PUDP: variants seen among roughly 807,000 people sequenced by gnomAD.
The protein encoded by PUDP is pseudouridine-5'-phosphatase.
A neutral mutation model predicts 9.4 loss-of-function variants in PUDP; 8 were observed. The observed-to-expected ratio is 0.85, with a 90% CI of 0.50 to 1.53. The LOEUF is 1.53. Ranked by LOEUF, PUDP falls within the 40% of genes most tolerant of loss-of-function variation. PUDP has a pLI of 0.00. For missense variants in PUDP, 188 were observed against 189.7 expected (o/e 0.99, Z 0.05); for synonymous variants, 99 against 80.7 (o/e 1.23, Z -1.22).
chrX:7,066,293 G>C (rs188309135), intron 3 of PUDP, among the ~76,000 whole-genome samples: 2 of 111,848 alleles, frequency 1.8e-5, no homozygotes, highest in East Asian at 5.6e-4. Flanking sequence ...AAGGAACTAC[G>C]AGGCATGGAT....
upstream of PUDP, among the ~76,000 whole-genome samples, chrX:6,724,263 T>C (rs1924712459): frequency 9.0e-6 from 1 of 111,009 alleles, no homozygotes; most frequent in Non-Finnish European, 1.9e-5. Flanking sequence ...TGAGTTACAA[T>C]ATCTCAAACA....
chrX:7,108,848 G>C (rs1931958254), intron 1 of PUDP, among the ~76,000 whole-genome samples: 1 of 111,635 alleles, frequency 9.0e-6, no homozygotes, highest in Admixed American at 9.5e-5. Context: ...CTCTGCGCCT[G>C]GCCACAAGCT....
chrX:6,789,417 G>A (rs1330118697), intron 3 of PUDP, among the ~76,000 whole-genome samples: 1 of 111,681 alleles, frequency 9.0e-6, no homozygotes, highest in African/African-American at 3.3e-5. Flanking sequence ...TGGGTCACTC[G>A]GGACCTTGGG....
At chrX:7,111,270 T>G (rs1602797256) in intron 1 of PUDP, among the ~76,000 whole-genome samples, 1 of 110,826 alleles carries the variant, frequency 9.0e-6, no homozygotes, top group East Asian at 2.8e-4. Context: ...TTTATAGCAG[T>G]GTGAGAACAG....
intron 3 of PUDP, among the ~76,000 whole-genome samples, chrX:6,880,537 T>C (rs1206620904): frequency 8.9e-6 from 1 of 112,196 alleles, no homozygotes; most frequent in African/African-American, 3.2e-5. Context: ...ATAAAATATA[T>C]TTTGACACAA....
chrX:6,796,658 T>C (rs1474378150), intron 3 of PUDP, among the ~76,000 whole-genome samples: 1 of 112,335 alleles, frequency 8.9e-6, no homozygotes, highest in Non-Finnish European at 1.9e-5. Flanking sequence ...TGTGTGTGTA[T>C]ATTTGTATAT....
At chrX:6,713,119 C>T (rs1924553323) in intron 1 of PUDP, among the ~76,000 whole-genome samples, 1 of 112,277 alleles carries the variant, frequency 8.9e-6, no homozygotes. Context: ...TCCTCCTCCT[C>T]TGAGCCTGGA....
At chrX:6,816,855 C>A (rs1413668763) in intron 3 of PUDP, among the ~76,000 whole-genome samples, 2 of 93,564 alleles carry the variant, frequency 2.1e-5, no homozygotes, top group Admixed American at 1.3e-4. Flanking sequence ...TATATACACA[C>A]ATACAGTATA....
chrX:6,991,505 C>T (rs1328674905), intron 1 of PUDP, among the ~76,000 whole-genome samples: 1 of 109,762 alleles, frequency 9.1e-6, no homozygotes, highest in African/African-American at 3.3e-5. Context: ...GAGTGAGACC[C>T]TGTCTCTATA....
intron 1 of PUDP, among the ~76,000 whole-genome samples, chrX:7,026,960 G>A (rs1278909564): frequency 1.8e-5 from 2 of 111,615 alleles, no homozygotes; most frequent in African/African-American, 3.3e-5. Context: ...CTGAGATTTT[G>A]ACACCTAGAT....
At chrX:6,861,417 C>A (rs950023661) in intron 3 of PUDP, among the ~76,000 whole-genome samples, 1 of 111,864 alleles carries the variant, frequency 8.9e-6, no homozygotes, top group Non-Finnish European at 1.9e-5. Flanking sequence ...TCCCCATCAC[C>A]TTTCCCCTAA....
intron 3 of PUDP, among the ~76,000 whole-genome samples, chrX:6,935,132 C>A (rs1928275619): frequency 9.8e-6 from 1 of 101,979 alleles, no homozygotes; most frequent in Non-Finnish European, 2.0e-5. Context: ...ACCAAGCGGA[C>A]CTAATAGACA....
At chrX:6,817,054 C>CA (rs35346108) in intron 3 of PUDP, among the ~76,000 whole-genome samples, 47,679 of 98,218 alleles carry the variant, frequency 0.49, 10,155 homozygotes, top group African/African-American at 0.77. Context: ...TATATATACA[C>CA]TATATAGTAT....
In PUDP at chrX:7,020,120, G is replaced by A. The variant is rs778697003; in HGVS notation, c.205-41777C>T. Among the ~76,000 whole-genome samples, 6 of 110,643 alleles carry A rather than the reference G, an allele frequency of 5.4e-5. No homozygotes were observed. The South Asian group carries it at 2.4e-3, about 43-fold the overall frequency. ...AGAGATAGTGGGAATATGAGCTTAA[G>A]AGGTTCTAGTGTGTGCCTATTCGAG... On this transcript the variant is annotated intron_variant and NMD_transcript_variant, in intron 1 of 3. Transcript: ENST00000655425.
intron 3 of PUDP, among the ~76,000 whole-genome samples, chrX:6,795,929 C>T (rs1481417819): frequency 1.8e-5 from 2 of 112,104 alleles, no homozygotes; most frequent in African/African-American, 6.5e-5. Context: ...TCATGGGTGA[C>T]TCTTCTTCCT....
chrX:7,013,020 A>G (rs1929499989), intron 1 of PUDP, among the ~76,000 whole-genome samples: 1 of 111,403 alleles, frequency 9.0e-6, no homozygotes, highest in South Asian at 3.8e-4. Context: ...GTAATTGGAG[A>G]CTGATTTATC....
intron 3 of PUDP, among the ~76,000 whole-genome samples, chrX:6,817,010 TAC>T (rs1443338466): frequency 1.0e-5 from 1 of 95,964 alleles, no homozygotes; most frequent in Admixed American, 1.2e-4. Context: ...ATAATATATA[TAC>T]ACATATAGTA....
At chrX:6,862,826 T>C (rs1177104734) in intron 3 of PUDP, among the ~76,000 whole-genome samples, 1 of 111,277 alleles carries the variant, frequency 9.0e-6, no homozygotes, top group African/African-American at 3.3e-5. Context: ...TTGCAAAGGA[T>C]GGTGGATGGG....
At chrX:7,145,246 A>G (rs1242449917) in intron 1 of PUDP, among the ~76,000 whole-genome samples, 2 of 112,359 alleles carry the variant, frequency 1.8e-5, no homozygotes, top group African/African-American at 6.5e-5. Context: ...ATCCAAATCA[A>G]TGTCATCTGT....
Sources: gnomAD v4.1 joint callset for allele counts (sites outside exome capture counted in the v4.1 genomes callset) on GRCh38, gnomAD v4.1.1 for gene constraint, MANE v1.5 for transcripts, NCBI Gene and HGNC (gene_info 2026-07-23, HGNC 2026-07-21) for gene names.